Variants in ITGA9 observed in about 807,000 individuals in gnomAD.
The protein encoded by ITGA9 is integrin subunit alpha 9.
Under a neutral mutation model 127.8 loss-of-function variants are expected in ITGA9, and 56 were observed. The observed-to-expected ratio is 0.44, with a 90% CI of 0.35 to 0.55. The LOEUF (loss-of-function observed/expected upper bound fraction) is 0.55. Ranked by LOEUF, ITGA9 falls within the 20% of genes least tolerant of loss-of-function variation. The probability of loss-of-function intolerance (pLI) is 0.00; values close to 1 mark genes in which losing one functional copy is unlikely to be tolerated. For synonymous variants in ITGA9, 508 were observed against 514.5 expected (o/e 0.99, Z 0.17); for missense variants, 1,196 against 1,347.1 (o/e 0.89, Z 1.76).
rs1699321321 is a variant in ITGA9, at chr3:37,545,876, G to T, written c.1689+3291G>T. ...TCCCCTGGGCCCCAGCTCTTGTCAT[G>T]ACCTGCCCCTTTCCTCCTGGAACCT... On this transcript the variant is annotated intron_variant, in intron 15 of 27. Coordinates refer to ENST00000264741, the MANE Select transcript of ITGA9 (RefSeq NM_002207.3). Among the ~76,000 whole-genome samples the T allele has an allele frequency of 1.3e-5, 2 of 152,160 alleles. 1 individual carries two copies. The highest frequency in any genetic ancestry group is 4.1e-4 in the South Asian group (2 of 4,822).
In ITGA9 at chr3:37,533,353, C is replaced by A. The variant is rs956574526; in HGVS notation, c.1413C>A (p.Leu471=). The change falls in exon 14 of 28, where the codon CTC becomes CTA. Residue 471 remains leucine (L), a synonymous_variant. Transcript: ENST00000264741. The stretch of plus-strand genomic sequence containing the variant: ...TTACGGTGGATGTCTCCATCTTCCT[C>A]CCGGGCTCCATCAACATCACAGCGC... The part of the protein sequence containing the change: ...PVITVDVSIF[L]PGSINITAPQ... 1 of 1,614,192 alleles carries A rather than the reference C, an allele frequency of 6.2e-7. No individual in the cohort carries two copies. The highest frequency in any genetic ancestry group is 1.7e-4 in the Middle Eastern group (1 of 6,060).
At chr3:37,631,123 G>A (rs577475833) in intron 16 of ITGA9, among the ~76,000 whole-genome samples, 1 of 152,266 alleles carries the variant, frequency 6.6e-6, no homozygotes, top group African/African-American at 2.4e-5. Context: ...AAATCTTACT[G>A]GACTGATAAA....
At position 37,696,549 on chromosome 3, in the gene ITGA9, C is replaced by T. The variant is rs181622195; in HGVS notation, c.2067+12534C>T. 2.3e-4 allele frequency among the ~76,000 whole-genome samples: 35 copies of T among 152,352 alleles called. No individual in the cohort carries two copies. In the South Asian group the frequency reaches 6.6e-3, roughly 29 times the overall value. On this transcript the variant is annotated intron_variant, in intron 18 of 27. Coordinates refer to ENST00000264741, the MANE Select transcript of ITGA9 (RefSeq NM_002207.3). ...CAATAAAGACCAAGTTCCAGAACCCCTGTCCTTCAGACCATTTGGTATATA... is the reference window on the plus strand; with the variant it reads ...CAATAAAGACCAAGTTCCAGAACCCTTGTCCTTCAGACCATTTGGTATATA...
Position 37,647,629 on chromosome 3 carries a change from C to T in ITGA9, c.1840-6085C>T, listed in dbSNP as rs186109668. Reference sequence around the variant, plus strand: ...ACCAACATCTCCCCATTCCCTACTCCCTACCCCCTCCCCGACCCCTGGTAA... The same window carrying T: ...ACCAACATCTCCCCATTCCCTACTCTCTACCCCCTCCCCGACCCCTGGTAA... On this transcript the variant is annotated intron_variant, in intron 16 of 27. Transcript: ENST00000264741. 3.9e-5 allele frequency among the ~76,000 whole-genome samples: 6 copies of T among 152,210 alleles called. No homozygotes were observed. The East Asian group carries it at 1.2e-3, about 29-fold the overall frequency.
intron 15 of ITGA9, chr3:37,585,539 G>A: frequency 2.0e-6 from 1 of 492,910 alleles, no homozygotes; most frequent in South Asian, 1.5e-5. Context: ...GGGACAATTA[G>A]GGAGGGATTC....
At chr3:37,663,062 A>C (rs1015457105) in intron 17 of ITGA9, among the ~76,000 whole-genome samples, 1 of 152,230 alleles carries the variant, frequency 6.6e-6, no homozygotes, top group East Asian at 1.9e-4. Flanking sequence ...TCAACTCTTC[A>C]ATTAGAAGTT....
rs560073007 is a variant in ITGA9 at position 37,465,720 on chromosome 3, G to A, written c.186-5287G>A. On this transcript the variant is annotated intron_variant, in intron 1 of 27. Transcript: ENST00000264741. ...CACCTGAGCCTGATGGGGAGGGGAA[G>A]GTCTTTTCTCTTCCAAACCCCAGCA... is the stretch of plus-strand genomic sequence containing the variant. Among the ~76,000 whole-genome samples, 9 of 152,290 alleles carry A rather than the reference G, an allele frequency of 5.9e-5. No individual in the cohort carries two copies. The South Asian group carries it at 1.2e-3, about 21-fold the overall frequency.
At chr3:37,619,910 G>GCTCA (rs1230647197) in intron 15 of ITGA9, among the ~76,000 whole-genome samples, 1 of 151,996 alleles carries the variant, frequency 6.6e-6, no homozygotes, top group African/African-American at 2.4e-5. Flanking sequence ...CAGTCTCTTA[G>GCTCA]CTCACTGCTC....
intron 14 of ITGA9, among the ~76,000 whole-genome samples, chr3:37,538,418 A>G (rs1354320666): frequency 2.0e-5 from 3 of 152,284 alleles, no homozygotes; most frequent in South Asian, 2.1e-4. Flanking sequence ...TTCCATCACC[A>G]TGACATCATT....
intron 27 of ITGA9, among the ~76,000 whole-genome samples, chr3:37,813,805 A>G (rs1383926404): frequency 6.6e-6 from 1 of 152,224 alleles, no homozygotes; most frequent in Non-Finnish European, 1.5e-5. Context: ...ATTATAAGAC[A>G]TCTGATCCAG....
intron 17 of ITGA9, among the ~76,000 whole-genome samples, chr3:37,655,430 A>G (rs973266493): frequency 6.6e-6 from 1 of 152,094 alleles, no homozygotes; most frequent in Non-Finnish European, 1.5e-5. Flanking sequence ...TTTGATTTGC[A>G]TTTCTGTAAT....
rs1699878397 is a variant in ITGA9, at chr3:37,597,243, A to G, written c.1690-31944A>G. Among the ~76,000 whole-genome samples, 2 of 152,214 alleles carry G rather than the reference A, an allele frequency of 1.3e-5. No individual in the cohort carries two copies. Among genetic ancestry groups the G allele is most frequent in the African/African-American group, 2.4e-5 (1 of 41,458 alleles). ...CTTTTCATGATCTAAGAGTGATCCAAGAGATAGTGGGACCTGCTCAAGGTT... is the reference window on the plus strand; with the variant it reads ...CTTTTCATGATCTAAGAGTGATCCAGGAGATAGTGGGACCTGCTCAAGGTT... On this transcript the variant is annotated intron_variant, in intron 15 of 27. Coordinates refer to ENST00000264741, the MANE Select transcript of ITGA9 (RefSeq NM_002207.3). The surrounding 1 kb of genome is among the most constrained non-coding windows in gnomAD (Gnocchi z 4.6).
intron 15 of ITGA9, among the ~76,000 whole-genome samples, chr3:37,570,994 G>C (rs1005039229): frequency 6.6e-6 from 1 of 152,248 alleles, no homozygotes; most frequent in African/African-American, 2.4e-5. Flanking sequence ...AGGCCCATCA[G>C]GCCAGAAACA....
intron 15 of ITGA9, among the ~76,000 whole-genome samples, chr3:37,570,832 T>C (rs1699592873): frequency 6.6e-6 from 1 of 152,214 alleles, no homozygotes; most frequent in Non-Finnish European, 1.5e-5. Flanking sequence ...GAGAACCTAT[T>C]GATGAGAGGC....
rs113804366 is a variant in ITGA9 at position 37,484,979 on chromosome 3, C to T, written c.544+3372C>T. On this transcript the variant is annotated intron_variant, in intron 4 of 27. Transcript: ENST00000264741. ...ATCATAGGGTGACTGACTTGTGTAC[C>T]GGGAATAGAATCCACTTAATCTTAA... Among the ~76,000 whole-genome samples the T allele has an allele frequency of 9.2e-5, 14 of 152,232 alleles. No individual in the cohort carries two copies. The East Asian group carries it at 9.6e-4, about 10-fold the overall frequency.
At chr3:37,507,938 G>A (rs1369351964) in intron 7 of ITGA9, among the ~76,000 whole-genome samples, 1 of 152,218 alleles carries the variant, frequency 6.6e-6, no homozygotes, top group Non-Finnish European at 1.5e-5. Context: ...GTCAGTGATC[G>A]TCTTTGCAGT....
Position 37,629,584 on chromosome 3 carries a change from C to T in ITGA9, c.1839+248C>T, listed in dbSNP as rs1356029494. ...CTCAGGCTGTTAGAAGTTACAATCC[C>T]CTCGAGTTCGTGAACTGGCTGGCCA... On this transcript the variant is annotated intron_variant, in intron 16 of 27. Transcript: ENST00000264741. This position sits in a 1 kb window ranked among gnomAD's most constrained non-coding sequence, Gnocchi z 4.5. 3.2e-6 allele frequency: 2 copies of T among 615,914 alleles called. No individual in the cohort carries two copies. The highest frequency in any genetic ancestry group is 1.9e-5 in the South Asian group (1 of 51,332). 38.2% of individuals were successfully genotyped at this position (615,914 alleles called of 1,614,324 possible). A position where few individuals can be genotyped will look rare whatever the true frequency, so the allele number is the denominator to read the frequency against.
intron 11 of ITGA9, among the ~76,000 whole-genome samples, chr3:37,520,546 G>A (rs765204906): frequency 1.1e-4 from 16 of 152,166 alleles, no homozygotes; most frequent in Admixed American, 2.0e-4. Flanking sequence ...AGGAACGCTC[G>A]GAAACTCAGT....
rs914086438 is a variant in ITGA9 at position 37,708,883 on chromosome 3, G to A, written c.2068-23829G>A. On this transcript the variant is annotated intron_variant, in intron 18 of 27. Transcript: ENST00000264741. ...CGTCAAGCCACTTCAGCATGATGGC[G>A]TTTAAGTTTTAGCTTGTCTACAAAG... Among the ~76,000 whole-genome samples, 10 of 152,086 alleles carry A rather than the reference G, an allele frequency of 6.6e-5. No homozygotes were observed. The East Asian group carries it at 1.2e-3, about 18-fold the overall frequency.
Sources: allele counts gnomAD v4.1 joint callset (sites outside exome capture counted in the v4.1 genomes callset), GRCh38; gene constraint gnomAD v4.1.1; non-coding constraint Gnocchi (gnomAD v3.1); transcripts MANE v1.5; gene names NCBI Gene and HGNC (gene_info 2026-07-23, HGNC 2026-07-21).